The following KCNMA1 variants were observed in gnomAD, a reference collection of about 807,000 sequenced individuals.
KCNMA1 encodes potassium calcium-activated channel subfamily M alpha 1.
In KCNMA1, 29 loss-of-function variants were observed where a neutral mutation model predicts 140.0. That is an observed-to-expected ratio of 0.21 (90% CI 0.15 to 0.28). KCNMA1 has a LOEUF of 0.28. KCNMA1 is among the 10% of genes least tolerant of loss of function. The pLI, the probability that KCNMA1 is intolerant of heterozygous loss-of-function variation, is 1.00. For synonymous variants in KCNMA1, 612 were observed against 611.9 expected (o/e 1.00, Z 0.00); for missense variants, 880 against 1,602.2 (o/e 0.55, Z 7.70).
chr10:77,361,630 G>A lies in KCNMA1; in HGVS notation c.540+42232C>T, dbSNP rs181641481. Among the ~76,000 whole-genome samples, 173 of 152,356 alleles carry A rather than the reference G, an allele frequency of 1.1e-3. 1 individual carries two copies. Among genetic ancestry groups the A allele is most frequent in the African/African-American group, 4.0e-3 (165 of 41,588 alleles). On this transcript the variant is annotated intron_variant, in intron 2 of 27. Transcript: ENST00000286628. ...TCTGACACCTCCCACTCCCACTGCC[G>A]AGTCACTGCAAGGAGCAGGCGAGTG...
rs11002031 is a variant in KCNMA1 at position 77,131,989 on chromosome 10, A to G, written c.809-10941T>C. ...CAAAAAAAAAAAAAAAAAAGAAAAG[A>G]AAAGGGAAGAAAAGAACTAAAGAAT... On this transcript the variant is annotated intron_variant, in intron 5 of 27. Coordinates refer to ENST00000286628, the MANE Select transcript of KCNMA1 (RefSeq NM_001161352.2). Among the ~76,000 whole-genome samples the G allele has an allele frequency of 9.7e-3, 1,478 of 151,658 alleles. 65 individuals carry two copies. In the East Asian group the frequency reaches 0.14, roughly 14 times the overall value.
intron 1 of KCNMA1, among the ~76,000 whole-genome samples, chr10:77,502,764 C>T (rs2044377859): frequency 6.6e-6 from 1 of 152,146 alleles, no homozygotes; most frequent in African/African-American, 2.4e-5. Flanking sequence ...TGGAAAAGGG[C>T]AATAATAATA....
rs929072696 is a variant in KCNMA1, at chr10:77,078,854, A to G, written c.1593+627T>C. On this transcript the variant is annotated intron_variant, in intron 13 of 27. Coordinates refer to ENST00000286628, the MANE Select transcript of KCNMA1 (RefSeq NM_001161352.2). ...AAAAGTTGTTGTAACTTAAGTATGG[A>G]TGGGATCCAAGAGTAAATCAATAGT... Among the ~76,000 whole-genome samples the G allele has an allele frequency of 2.0e-5, 3 of 152,250 alleles. No homozygotes were observed. In the East Asian group the frequency reaches 5.8e-4, roughly 29 times the overall value.
chr10:77,138,029 A>G (rs1457525132), intron 5 of KCNMA1, among the ~76,000 whole-genome samples: 1 of 152,132 alleles, frequency 6.6e-6, no homozygotes, highest in African/African-American at 2.4e-5. Context: ...TAGATGCTCA[A>G]CATCAGTTGA....
intron 1 of KCNMA1, among the ~76,000 whole-genome samples, chr10:77,626,440 T>C (rs2092533522): frequency 1.3e-5 from 2 of 152,218 alleles, no homozygotes; most frequent in African/African-American, 4.8e-5. Flanking sequence ...TATTAAGCTG[T>C]TGCCAGCTAA....
In KCNMA1 at chr10:77,634,542, C is replaced by T. The variant is rs2093545057; in HGVS notation, c.378+2723G>A. ...GCTCCTTGCTGAATTTTATCTCCCACAGAATTTCAGACCTGCTTTCCTCTG... is the reference window on the plus strand; with the variant it reads ...GCTCCTTGCTGAATTTTATCTCCCATAGAATTTCAGACCTGCTTTCCTCTG... On this transcript the variant is annotated intron_variant, in intron 1 of 27. Transcript: ENST00000286628. The T allele has an allele frequency of 4.4e-5, 18 of 409,796 alleles. No homozygotes were observed. In the South Asian group the frequency reaches 1.8e-3, roughly 42 times the overall value. The allele number at this position is 409,796 out of a possible 1,614,324, so 25.4% of individuals were successfully genotyped here.
At chr10:77,448,854 C>T (rs984616776) in intron 1 of KCNMA1, among the ~76,000 whole-genome samples, 1 of 151,966 alleles carries the variant, frequency 6.6e-6, no homozygotes, top group Non-Finnish European at 1.5e-5. Flanking sequence ...TTTGGGAGGC[C>T]AAGGCGGGCA....
chr10:77,484,267 G>A (rs577112942), intron 1 of KCNMA1, among the ~76,000 whole-genome samples: 23 of 152,322 alleles, frequency 1.5e-4, no homozygotes, highest in East Asian at 3.9e-4. Context: ...ATCCCGTTAC[G>A]TGGGTGTCGT....
At chr10:77,514,445 C>T (rs1200233031) in intron 1 of KCNMA1, among the ~76,000 whole-genome samples, 1 of 152,172 alleles carries the variant, frequency 6.6e-6, no homozygotes, top group African/African-American at 2.4e-5. Context: ...CCTCTTCCTC[C>T]AAGCAGGGAC....
intron 2 of KCNMA1, among the ~76,000 whole-genome samples, chr10:77,295,096 C>T (rs2074504154): frequency 6.6e-6 from 1 of 151,934 alleles, no homozygotes; most frequent in Admixed American, 6.6e-5. Context: ...GACTGTAATC[C>T]CAGCACTTTG....
chr10:77,624,854 C>T (rs1050503525), intron 1 of KCNMA1, among the ~76,000 whole-genome samples: 1 of 152,016 alleles, frequency 6.6e-6, no homozygotes, highest in Non-Finnish European at 1.5e-5. Context: ...CATTTGTCTG[C>T]TCTCAATGTG....
At chr10:76,912,563 A>G (rs978819479) in intron 24 of KCNMA1, 8 of 152,240 alleles carry the variant, frequency 5.3e-5, no homozygotes, top group Non-Finnish European at 7.3e-5. Context: ...CACCTGAAAG[A>G]TTCTCTGAAC....
chr10:77,057,978 G>A (rs150364180), intron 14 of KCNMA1, among the ~76,000 whole-genome samples: 53 of 151,688 alleles, frequency 3.5e-4, no homozygotes, highest in African/African-American at 1.2e-3. Context: ...TCAAAGAATC[G>A]ATTTTTAAAA....
intron 1 of KCNMA1, among the ~76,000 whole-genome samples, chr10:77,561,926 G>A (rs1009847049): frequency 1.3e-5 from 2 of 152,164 alleles, no homozygotes; most frequent in Non-Finnish European, 2.9e-5. Flanking sequence ...CTGAATTTTT[G>A]CATGTTTCGG....
chr10:77,139,655 TG>T, intron 5 of KCNMA1, among the ~76,000 whole-genome samples: 1 of 152,228 alleles, frequency 6.6e-6, no homozygotes, highest in Non-Finnish European at 1.5e-5. Context: ...TCCCTAAGAC[TG>T]ACATTTTTAT....
chr10:77,511,379 A>C (rs1396558598), intron 1 of KCNMA1, among the ~76,000 whole-genome samples: 1 of 152,260 alleles, frequency 6.6e-6, no homozygotes, highest in Non-Finnish European at 1.5e-5. Flanking sequence ...AGAACTTGAA[A>C]CATCCATTCT....
intron 1 of KCNMA1, among the ~76,000 whole-genome samples, chr10:77,429,355 C>G (rs1249676126): frequency 1.3e-5 from 2 of 152,180 alleles, no homozygotes; most frequent in Non-Finnish European, 2.9e-5. Context: ...GGAGGTTTGG[C>G]AGCATCCCTG....
chr10:77,569,824 C>T (rs1304370248), intron 1 of KCNMA1, among the ~76,000 whole-genome samples: 1 of 152,076 alleles, frequency 6.6e-6, no homozygotes, highest in Non-Finnish European at 1.5e-5. Context: ...AGAAAATTTT[C>T]ACAACCTACT....
At chr10:77,342,541 G>C (rs923519373) in intron 2 of KCNMA1, among the ~76,000 whole-genome samples, 2 of 152,154 alleles carry the variant, frequency 1.3e-5, no homozygotes, top group Non-Finnish European at 2.9e-5. Context: ...CAAGCCCCAG[G>C]AGTAAACACT....
Sources: allele counts gnomAD v4.1 joint callset (sites outside exome capture counted in the v4.1 genomes callset), GRCh38; gene constraint gnomAD v4.1.1; transcripts MANE v1.5; gene names NCBI Gene and HGNC (gene_info 2026-07-23, HGNC 2026-07-21).